Variants in C7orf57 observed in about 807,000 individuals in gnomAD.
C7orf57 encodes the protein chromosome 7 open reading frame 57, also known as uncharacterized protein C7orf57.
In C7orf57, 33 loss-of-function variants were observed where a neutral mutation model predicts 39.0. The ratio of observed to expected loss-of-function variants is 0.85; its 90% CI spans 0.64 to 1.13. The LOEUF is 1.13. Among genes scored for constraint, C7orf57 ranks in the 50% most tolerant of loss-of-function variants. The probability of loss-of-function intolerance (pLI) is 0.00; values close to 1 mark genes in which losing one functional copy is unlikely to be tolerated. For synonymous variants in C7orf57, 124 were observed against 137.1 expected, an observed-to-expected ratio of 0.90 and a Z score of 0.67; for missense variants, 346 against 362.3, an observed-to-expected ratio of 0.95 and a Z score of 0.37.
intron 6 of C7orf57, among the ~76,000 whole-genome samples, chr7:48,050,869 A>G (rs1790853962): frequency 1.3e-5 from 2 of 152,022 alleles, no homozygotes; most frequent in Non-Finnish European, 2.9e-5. Context: ...AGATCTCACT[A>G]TGTTGCCCAG....
chr7:48,036,931 G>GT lies in C7orf57; in HGVS notation c.55+580dup, dbSNP rs34982671. 3.7e-3 allele frequency among the ~76,000 whole-genome samples: 555 copies of GT among 148,368 alleles called. 9 individuals are homozygous for GT. Among genetic ancestry groups the GT allele is most frequent in the African/African-American group, 9.8e-3 (398 of 40,500 alleles). ...GAAGTCTTGAGATGCTGTCTTCTGGGTTTTTTTTTTTTCCTTTTGCTATTG... is the reference window on the plus strand; with the variant it reads ...GAAGTCTTGAGATGCTGTCTTCTGGGTTTTTTTTTTTTTCCTTTTGCTATTG... On this transcript the variant is annotated intron_variant, in intron 2 of 8. Transcript: ENST00000348904.
intron 8 of C7orf57, among the ~76,000 whole-genome samples, chr7:48,058,175 T>A (rs1791183332): frequency 6.6e-6 from 1 of 152,178 alleles, no homozygotes; most frequent in East Asian, 1.9e-4. Context: ...AGTGTCCTTG[T>A]CTGACTTTGG....
chr7:48,040,720 C>T (rs1186307602), intron 2 of C7orf57, among the ~76,000 whole-genome samples: 6 of 152,126 alleles, frequency 3.9e-5, no homozygotes, highest in South Asian at 2.1e-4. Flanking sequence ...GAGAGGCTGC[C>T]GAGCTGATTC....
chr7:48,044,410 A>G (rs902871720), intron 4 of C7orf57, among the ~76,000 whole-genome samples: 1 of 152,136 alleles, frequency 6.6e-6, no homozygotes, highest in Non-Finnish European at 1.5e-5. Flanking sequence ...TATGCCGATC[A>G]TTGTCCCTCC....
intron 5 of C7orf57, among the ~76,000 whole-genome samples, chr7:48,047,871 C>CA (rs892159061): frequency 1.4e-4 from 21 of 151,938 alleles, no homozygotes; most frequent in African/African-American, 5.1e-4. Context: ...GACACTCAGC[C>CA]AAAATGGACC....
chr7:48,059,935 T>G (rs1791243380), intron 8 of C7orf57, among the ~76,000 whole-genome samples: 1 of 152,154 alleles, frequency 6.6e-6, no homozygotes, highest in Non-Finnish European at 1.5e-5. Context: ...TAATAATTCT[T>G]ATCGGTGTGC....
intron 4 of C7orf57, among the ~76,000 whole-genome samples, chr7:48,045,370 G>A (rs1022306272): frequency 3.9e-5 from 6 of 152,142 alleles, no homozygotes; most frequent in African/African-American, 1.4e-4. Flanking sequence ...GGCCTGGGGA[G>A]AGGTGCCGCT....
At chr7:48,046,432 A>G (rs1289025996) in intron 4 of C7orf57, 28 bp from the exon 5 acceptor site, 3 of 1,599,830 alleles carry the variant, frequency 1.9e-6, no homozygotes, top group Non-Finnish European at 1.7e-6. Flanking sequence ...TCTGAGCACC[A>G]GGCTGTAACT....
At chr7:48,037,374 T>A (rs976707712) in intron 2 of C7orf57, among the ~76,000 whole-genome samples, 1 of 152,204 alleles carries the variant, frequency 6.6e-6, no homozygotes, top group East Asian at 1.9e-4. Context: ...CAAGGTAACA[T>A]TACCCCCATT....
At chr7:48,053,803 C>T (rs1466882814) in intron 7 of C7orf57, among the ~76,000 whole-genome samples, 1 of 152,176 alleles carries the variant, frequency 6.6e-6, no homozygotes, top group Non-Finnish European at 1.5e-5. Flanking sequence ...TTTTTCAACA[C>T]ATCCATCTTA....
chr7:48,039,457 T>C (rs1003281632), intron 2 of C7orf57, among the ~76,000 whole-genome samples: 1 of 151,476 alleles, frequency 6.6e-6, no homozygotes, highest in African/African-American at 2.4e-5. Flanking sequence ...CAGGTTTACT[T>C]TGGAATGCTC....
At chr7:48,046,155 G>A (rs1050213649) in intron 4 of C7orf57, among the ~76,000 whole-genome samples, 2 of 152,050 alleles carry the variant, frequency 1.3e-5, no homozygotes, top group Admixed American at 6.6e-5. Context: ...GGAGGGAAGG[G>A]CCCGTCTGTG....
intron 2 of C7orf57, among the ~76,000 whole-genome samples, chr7:48,040,242 C>T (rs1344422209): frequency 6.6e-6 from 1 of 152,226 alleles, no homozygotes; most frequent in African/African-American, 2.4e-5. Flanking sequence ...ATGTTCAGCT[C>T]CTCTGTCCAC....
Position 48,052,909 on chromosome 7 carries a change from C to T in C7orf57, c.815C>T (p.Pro272Leu). The stretch of plus-strand genomic sequence containing the variant: ...CAGGATGCAGAGGCTTCTGAAGGTC[C>T]TGAGGACACCCCAGGTGAGGCACAA... ...RLQDAEASEG[P>L]EDTPESSQSP... The change falls in exon 7 of 9, where the codon CCT becomes CTT. Residue 272 changes from proline to leucine, a missense_variant. By Grantham distance (98) the Pro-to-Leu change is moderately conservative. Coordinates refer to ENST00000348904, the MANE Select transcript of C7orf57 (RefSeq NM_001100159.3). 2 of 1,613,476 alleles carry T rather than the reference C, an allele frequency of 1.2e-6. No individual in the cohort carries two copies. Among genetic ancestry groups the T allele is most frequent in the Non-Finnish European group, 1.7e-6 (2 of 1,179,498 alleles).
intron 8 of C7orf57, among the ~76,000 whole-genome samples, chr7:48,059,148 A>T (rs978831157): frequency 4.0e-5 from 6 of 150,754 alleles, no homozygotes; most frequent in Non-Finnish European, 5.9e-5. Flanking sequence ...TGACAACCAC[A>T]CTCTCTCCAC....
chr7:48,060,926 A>G lies in C7orf57; in HGVS notation c.*654A>G, dbSNP rs919626017. 3 of 152,154 alleles carry G rather than the reference A, an allele frequency of 2.0e-5. No individual in the cohort carries two copies. Among genetic ancestry groups the G allele is most frequent in the Non-Finnish European group, 2.9e-5 (2 of 67,996 alleles). 9.4% of individuals were successfully genotyped at this position (152,154 alleles called of 1,614,324 possible). On this transcript the variant is annotated 3_prime_UTR_variant, in exon 9 of 9. Transcript: ENST00000348904. ...TAATATTTAATTTAGTAGAATTAAC[A>G]AAAACTTTTTAATAGTCAAACTGAA... is the stretch of plus-strand genomic sequence containing the variant.
At chr7:48,048,227 A>G (rs1790772575) in intron 5 of C7orf57, among the ~76,000 whole-genome samples, 1 of 152,178 alleles carries the variant, frequency 6.6e-6, no homozygotes, top group Non-Finnish European at 1.5e-5. Flanking sequence ...TGAGCACCGC[A>G]TCGGGATGGG....
chr7:48,041,282 G>A (rs1162800125), intron 2 of C7orf57, 52 bp from the exon 3 acceptor site: 89 of 1,539,548 alleles, frequency 5.8e-5, no homozygotes, highest in Non-Finnish European at 7.8e-5. Context: ...GAGGCCTAGA[G>A]GCCACCCCGA....
At chr7:48,050,403 T>G (rs1790841043) in intron 6 of C7orf57, among the ~76,000 whole-genome samples, 1 of 152,206 alleles carries the variant, frequency 6.6e-6, no homozygotes, top group African/African-American at 2.4e-5. Flanking sequence ...CTGTTTCCAG[T>G]TGGAAGATAT....
Sources: gnomAD v4.1 joint callset for allele counts (sites outside exome capture counted in the v4.1 genomes callset) on GRCh38, gnomAD v4.1.1 for gene constraint, MANE v1.5 for transcripts, NCBI Gene and HGNC (gene_info 2026-07-23, HGNC 2026-07-21) for gene names.